The following TMEM108 variants were observed in gnomAD, a reference collection of about 807,000 sequenced individuals.
The protein encoded by TMEM108 is cancer/testis antigen 124.
Under a neutral mutation model 35.1 loss-of-function variants are expected in TMEM108, and 12 were observed. The ratio of observed to expected loss-of-function variants is 0.34; its 90% CI spans 0.22 to 0.55. TMEM108 has a LOEUF of 0.55. TMEM108 is among the 20% of genes least tolerant of loss of function. The probability of loss-of-function intolerance (pLI) is 0.89; values close to 1 mark genes in which losing one functional copy is unlikely to be tolerated. For synonymous variants in TMEM108, 287 were observed against 308.6 expected (o/e 0.93, Z 0.73); for missense variants, 680 against 753.3 (o/e 0.90, Z 1.14).
intron 2 of TMEM108, among the ~76,000 whole-genome samples, chr3:133,166,142 G>C (rs999586707): frequency 6.6e-6 from 1 of 152,216 alleles, no homozygotes; most frequent in African/African-American, 2.4e-5. Context: ...GTTTGTAGCT[G>C]CTAGGGAAAA....
intron 2 of TMEM108, among the ~76,000 whole-genome samples, chr3:133,175,629 T>C (rs1945206846): frequency 1.3e-5 from 2 of 152,168 alleles, no homozygotes; most frequent in South Asian, 2.1e-4. Context: ...TGCTGAGAGA[T>C]TTTGTCACCA....
At chr3:133,373,733 G>A (rs2072750047) in intron 3 of TMEM108, among the ~76,000 whole-genome samples, 1 of 152,204 alleles carries the variant, frequency 6.6e-6, no homozygotes, top group African/African-American at 2.4e-5. Flanking sequence ...GTGCTTAGAT[G>A]CTCTTTTCTT....
At chr3:133,270,794 T>TACACACACAC (rs71624011) in intron 3 of TMEM108, among the ~76,000 whole-genome samples, 14 of 148,680 alleles carry the variant, frequency 9.4e-5, no homozygotes, top group Admixed American at 4.0e-4. Context: ...TCGAAGAATG[T>TACACACACAC]ACACACACAC....
chr3:133,299,413 G>C (rs902488858), intron 3 of TMEM108, among the ~76,000 whole-genome samples: 1 of 152,132 alleles, frequency 6.6e-6, no homozygotes, highest in Non-Finnish European at 1.5e-5. Context: ...CTGTATAGAC[G>C]GGGTTGGAGT....
At chr3:133,071,414 T>C (rs1943674713) in intron 2 of TMEM108, among the ~76,000 whole-genome samples, 2 of 152,198 alleles carry the variant, frequency 1.3e-5, no homozygotes, top group African/African-American at 2.4e-5. Context: ...GTCATATTGG[T>C]TTAGAGCCCA....
chr3:133,322,212 A>C (rs2071275613), intron 3 of TMEM108, among the ~76,000 whole-genome samples: 1 of 152,120 alleles, frequency 6.6e-6, no homozygotes, highest in Non-Finnish European at 1.5e-5. Context: ...AAACAAAAAA[A>C]ATACAAAAGA....
chr3:133,072,221 T>A (rs943171061), intron 2 of TMEM108, among the ~76,000 whole-genome samples: 13 of 152,124 alleles, frequency 8.5e-5, no homozygotes, highest in African/African-American at 3.1e-4. Context: ...GCAAATGGCA[T>A]CTAAAGATAT....
intron 2 of TMEM108, among the ~76,000 whole-genome samples, chr3:133,136,518 T>C (rs187884437): frequency 6.6e-6 from 1 of 152,356 alleles, no homozygotes; most frequent in East Asian, 1.9e-4. Flanking sequence ...TCACAGTATT[T>C]CTGTGACTTA....
chr3:133,387,568 C>G, intron 4 of TMEM108: 2 of 980,118 alleles, frequency 2.0e-6, no homozygotes, highest in Non-Finnish European at 2.4e-6. Flanking sequence ...TTGGATTCTG[C>G]AACCTCTACC....
intron 4 of TMEM108, chr3:133,388,612 C>T: frequency 1.0e-6 from 1 of 985,370 alleles, no homozygotes; most frequent in Non-Finnish European, 1.2e-6. Flanking sequence ...TAAAAAGGAT[C>T]TAGAAGACTG....
chr3:133,181,567 C>CA (rs1945345413), intron 2 of TMEM108, among the ~76,000 whole-genome samples: 1 of 152,112 alleles, frequency 6.6e-6, no homozygotes, highest in Admixed American at 6.6e-5. Context: ...CAGACCCAGA[C>CA]AGAGATTGAT....
In TMEM108 at chr3:133,293,717, C is replaced by T. The variant is rs139744359; in HGVS notation, c.40+64366C>T. On this transcript the variant is annotated intron_variant, in intron 3 of 5. Coordinates refer to ENST00000321871, the MANE Select transcript of TMEM108 (RefSeq NM_023943.4). ...CAGCTTAAGTCCATTTTCTTTTTCT[C>T]CACTTACATGAAATTGAAGTAGAAC... Among the ~76,000 whole-genome samples the T allele has an allele frequency of 2.3e-3, 345 of 152,164 alleles. 2 individuals carry two copies. Among genetic ancestry groups the T allele is most frequent in the African/African-American group, 7.8e-3 (324 of 41,524 alleles).
chr3:133,374,599 A>G (rs544197848), intron 3 of TMEM108, among the ~76,000 whole-genome samples: 4 of 151,502 alleles, frequency 2.6e-5, no homozygotes, highest in Admixed American at 2.6e-4. Flanking sequence ...TGGTTTTTAT[A>G]TACATAATTT....
intron 2 of TMEM108, among the ~76,000 whole-genome samples, chr3:133,057,314 A>T (rs1440928485): frequency 6.7e-6 from 1 of 148,614 alleles, no homozygotes; most frequent in African/African-American, 2.5e-5. Flanking sequence ...TTATTGTCTC[A>T]TGTACTAAAA....
At chr3:133,228,610 T>A (rs1195073264) in intron 2 of TMEM108, among the ~76,000 whole-genome samples, 2 of 151,998 alleles carry the variant, frequency 1.3e-5, no homozygotes, top group Admixed American at 6.6e-5. Flanking sequence ...AGGAGAAAAA[T>A]TAAATTAAAA....
chr3:133,055,229 C>T (rs773404963), intron 2 of TMEM108, among the ~76,000 whole-genome samples: 13 of 152,282 alleles, frequency 8.5e-5, no homozygotes, highest in Non-Finnish European at 1.9e-4. Context: ...GATAACCACA[C>T]GTTGCCAGAA....
intron 3 of TMEM108, among the ~76,000 whole-genome samples, chr3:133,295,282 C>A (rs1947128369): frequency 6.6e-6 from 1 of 152,098 alleles, no homozygotes; most frequent in African/African-American, 2.4e-5. Context: ...AGGCTTTGAG[C>A]AAAGCTTTTC....
At chr3:133,334,068 C>T (rs2071443109) in intron 3 of TMEM108, among the ~76,000 whole-genome samples, 1 of 151,832 alleles carries the variant, frequency 6.6e-6, no homozygotes, top group African/African-American at 2.4e-5. Context: ...TTTGCAGGTC[C>T]AAAGAAATGA....
intron 3 of TMEM108, among the ~76,000 whole-genome samples, chr3:133,273,769 G>A (rs1445890133): frequency 6.6e-6 from 1 of 152,186 alleles, no homozygotes; most frequent in Non-Finnish European, 1.5e-5. Flanking sequence ...GCAAACGGAA[G>A]AAATAGATTA....
Sources: gnomAD v4.1 joint callset for allele counts (sites outside exome capture counted in the v4.1 genomes callset) on GRCh38, gnomAD v4.1.1 for gene constraint, MANE v1.5 for transcripts, NCBI Gene and HGNC (gene_info 2026-07-23, HGNC 2026-07-21) for gene names.